SYNE1: variants seen among roughly 807,000 people sequenced by gnomAD.
SYNE1 encodes the protein nesprin-1.
A neutral mutation model predicts 1,111.0 loss-of-function variants in SYNE1; 616 were observed. The ratio of observed to expected loss-of-function variants is 0.55; its 90% CI spans 0.52 to 0.59. The LOEUF is 0.59. SYNE1 is among the 20% of genes least tolerant of loss of function. SYNE1 has a pLI of 0.00. For missense variants in SYNE1, 10,006 were observed against 10,417.0 expected, an observed-to-expected ratio of 0.96 and a Z score of 1.72; for synonymous variants, 3,855 against 3,825.8, an observed-to-expected ratio of 1.01 and a Z score of -0.28.
chr6:152,164,765 T>C (rs1056156249), intron 130 of SYNE1, among the ~76,000 whole-genome samples: 3 of 152,216 alleles, frequency 2.0e-5, no homozygotes, highest in African/African-American at 7.2e-5. Context: ...TGATCAATGA[T>C]CTATTAGTGC....
chr6:152,566,402 G>GA (rs1218935565), intron 3 of SYNE1, among the ~76,000 whole-genome samples: 8 of 148,432 alleles, frequency 5.4e-5, no homozygotes, highest in East Asian at 1.9e-4. Flanking sequence ...CCAGCTTTGA[G>GA]AAAAAAAATC....
At chr6:152,386,687 A>G (rs1458267520) in intron 54 of SYNE1, among the ~76,000 whole-genome samples, 1 of 152,190 alleles carries the variant, frequency 6.6e-6, no homozygotes, top group Non-Finnish European at 1.5e-5. Context: ...TATTTCGTAC[A>G]CGACTGAATC....
rs149925501 is a variant in SYNE1 at position 152,198,698 on chromosome 6, G to A, written c.23145+3126C>T. 7.9e-5 allele frequency among the ~76,000 whole-genome samples: 12 copies of A among 152,274 alleles called. No individual in the cohort carries two copies. In the East Asian group the frequency reaches 2.3e-3, roughly 29 times the overall value. Reference sequence around the variant, plus strand: ...GCAAATAAGGAGGCCAGAGGAGAAGGAGAGAGATTGGGAACATTGTTGGTG... The same window carrying A: ...GCAAATAAGGAGGCCAGAGGAGAAGAAGAGAGATTGGGAACATTGTTGGTG... On this transcript the variant is annotated intron_variant, in intron 127 of 145. Transcript: ENST00000367255.
chr6:152,509,819 A>T (rs2099075925), intron 8 of SYNE1, among the ~76,000 whole-genome samples: 2 of 152,208 alleles, frequency 1.3e-5, no homozygotes, highest in Admixed American at 6.5e-5. Context: ...AGAACATAAT[A>T]GTCTCATGAA....
intron 73 of SYNE1, 95 bp from the exon 74 acceptor site, chr6:152,344,322 T>C: frequency 2.0e-6 from 3 of 1,529,332 alleles, no homozygotes; most frequent in Non-Finnish European, 2.7e-6. Context: ...TACATCTAAA[T>C]GGATTTTCCC....
Position 152,391,377 on chromosome 6 carries a change from C to T in SYNE1, c.7904G>A (p.Ser2635Asn). 1 of 1,614,084 alleles carries T rather than the reference C, an allele frequency of 6.2e-7. No individual in the cohort carries two copies. Among genetic ancestry groups the T allele is most frequent in the Non-Finnish European group, 8.5e-7 (1 of 1,180,008 alleles). Residue 2635 changes from serine to asparagine, a missense_variant, in exon 52 of 146, where the codon AGC becomes AAC. Ser to Asn is a conservative substitution (Grantham distance 46). This residue lies in a region of SYNE1 where 4,955 missense variants were observed against 5,017.2 expected (regional missense o/e 0.99). Transcript: ENST00000367255. ...EHEALEEALQ[S>N]MWFWVKAIQD... The stretch of plus-strand genomic sequence containing the variant: ...AATGGCCTTCACCCAGAACCACATG[C>T]TTTGCAGTGCTTCCTCCAGGGCTTC...
chr6:152,506,491 T>C (rs1249020105), intron 8 of SYNE1, among the ~76,000 whole-genome samples: 1 of 152,102 alleles, frequency 6.6e-6, no homozygotes, highest in Non-Finnish European at 1.5e-5. Context: ...CTGAATGGTA[T>C]GCTGATTAAT....
intron 46 of SYNE1, among the ~76,000 whole-genome samples, chr6:152,403,942 G>A (rs1302821139): frequency 6.6e-6 from 1 of 151,800 alleles, no homozygotes; most frequent in African/African-American, 2.4e-5. Context: ...TCCCATGTCT[G>A]ATACAATCCA....
At chr6:152,314,940 T>C (rs75349447) in intron 87 of SYNE1, among the ~76,000 whole-genome samples, 59,025 of 126,626 alleles carry the variant, frequency 0.47, 14,073 homozygotes, top group Admixed American at 0.57. Context: ...TGCAGTGAGC[T>C]GAGATCACGC....
At position 152,255,636 on chromosome 6, in the gene SYNE1, T is replaced by C. The variant is rs771090921; in HGVS notation, c.19215A>G (p.Thr6405=). The C allele has an allele frequency of 1.2e-6, 2 of 1,614,222 alleles. No homozygotes were observed. The highest frequency in any genetic ancestry group is 1.3e-5 in the African/African-American group (1 of 75,066). The change falls in exon 103 of 146, where the codon ACA becomes ACG. Residue 6405 remains threonine (T), a synonymous_variant. Coordinates refer to ENST00000367255, the MANE Select transcript of SYNE1 (RefSeq NM_182961.4). The part of the protein sequence containing the change: ...DDVEERLFVA[T]ALLPEETETC... ...TCTCTGTTTCTTCTGGTAAAAGTGC[T>C]GTGGCAACAAATAAACGTTCTTCAA...
chr6:152,130,606 G>A (rs936134902), intron 145 of SYNE1, 114 bp downstream of exon 145: 4 of 1,053,306 alleles, frequency 3.8e-6, no homozygotes, highest in African/African-American at 1.6e-5. Flanking sequence ...ACTGAAATGA[G>A]TAATTTCCCA....
chr6:152,406,989 C>T, intron 45 of SYNE1, 25 bp downstream of exon 45: 1 of 1,602,882 alleles, frequency 6.2e-7, no homozygotes, highest in Non-Finnish European at 8.5e-7. Flanking sequence ...CCACCAGCTG[C>T]CATATGTCAA....
At position 152,329,982 on chromosome 6, in the gene SYNE1, C is replaced by T; in HGVS notation, c.14703G>A (p.Arg4901=). The change falls in exon 78 of 146, where the codon AGG becomes AGA. Residue 4901 remains arginine, a synonymous_variant. Coordinates refer to ENST00000367255, the MANE Select transcript of SYNE1 (RefSeq NM_182961.4). ...TEMSRSLDWL[R]RVKAELSGPV... is the part of the protein sequence containing the mutation. ...GCCCACTGAGCTCTGCCTTCACTCT[C>T]CTCAGCCAGTCCAGGGAGCGACTCA... The T allele has an allele frequency of 1.2e-6, 2 of 1,614,188 alleles. No individual in the cohort carries two copies. The highest frequency in any genetic ancestry group is 1.7e-6 in the Non-Finnish European group (2 of 1,180,024).
intron 44 of SYNE1, among the ~76,000 whole-genome samples, chr6:152,408,595 T>A (rs747429837): frequency 6.6e-6 from 1 of 152,198 alleles, no homozygotes; most frequent in Non-Finnish European, 1.5e-5. Context: ...ATTTTATTAT[T>A]TCTAAACTTT....
intron 14 of SYNE1, among the ~76,000 whole-genome samples, chr6:152,473,315 A>G (rs2098817185): frequency 6.6e-6 from 1 of 152,220 alleles, no homozygotes; most frequent in Admixed American, 6.5e-5. Context: ...ATAATACATT[A>G]AAATTAATAT....
chr6:152,471,588 G>A lies in SYNE1; in HGVS notation c.1632+9C>T. On this transcript the variant is annotated intron_variant, in intron 16 of 145. Coordinates refer to ENST00000367255, the MANE Select transcript of SYNE1 (RefSeq NM_182961.4). Reference sequence around the variant, plus strand: ...ATAGGAATTCTCTGTCAAAGCACGGGGGACTCACCACGTAGTTTTGTAGAA... The same window carrying A: ...ATAGGAATTCTCTGTCAAAGCACGGAGGACTCACCACGTAGTTTTGTAGAA... 3 of 1,613,604 alleles carry A rather than the reference G, an allele frequency of 1.9e-6. No homozygotes were observed. Among genetic ancestry groups the A allele is most frequent in the South Asian group, 1.1e-5 (1 of 91,058 alleles).
rs770710698 is a variant in SYNE1 at position 152,236,306 on chromosome 6, A to G, written c.20200-3T>C. 9.1e-5 allele frequency: 146 copies of G among 1,604,932 alleles called. No individual in the cohort carries two copies. The highest frequency in any genetic ancestry group is 1.2e-4 in the Non-Finnish European group (137 of 1,172,358). ...TCATTAAGGCTAGATTTTAAATGCT[A>G]AAATATTGAAATTATTGAGTTAAAA... On this transcript the variant is annotated splice_polypyrimidine_tract_variant and splice_region_variant and intron_variant, in intron 109 of 145. Coordinates refer to ENST00000367255, the MANE Select transcript of SYNE1 (RefSeq NM_182961.4).
intron 140 of SYNE1, among the ~76,000 whole-genome samples, chr6:152,138,134 T>C (rs2057496735): frequency 6.6e-6 from 1 of 152,196 alleles, no homozygotes; most frequent in Non-Finnish European, 1.5e-5. Context: ...CATGGGGTAG[T>C]GTAGAGGCCT....
At chr6:152,447,714 G>A in intron 28 of SYNE1, 92 bp from the exon 29 acceptor site, 4 of 1,496,118 alleles carry the variant, frequency 2.7e-6, no homozygotes, top group Non-Finnish European at 3.7e-6. Context: ...AGGTTTGCAG[G>A]TGGAGCAGAA....
Sources: allele counts gnomAD v4.1 joint callset (sites outside exome capture counted in the v4.1 genomes callset), GRCh38; gene constraint gnomAD v4.1.1; regional missense constraint gnomAD v4.1.1; transcripts MANE v1.5; gene names NCBI Gene and HGNC (gene_info 2026-07-23, HGNC 2026-07-21).